The following PTPN13 variants were observed in gnomAD, a reference collection of about 807,000 sequenced individuals.
PTPN13 encodes tyrosine-protein phosphatase non-receptor type 13.
PTPN13 carries 191 observed loss-of-function variants against 284.0 expected under a neutral mutation model. That is an observed-to-expected ratio of 0.67 (90% confidence interval 0.60 to 0.76). The LOEUF (loss-of-function observed/expected upper bound fraction) is 0.76. Ranked by LOEUF, PTPN13 falls within the 30% of genes least tolerant of loss-of-function variation. PTPN13 has a pLI of 0.00. For synonymous variants in PTPN13, 986 were observed against 1,022.3 expected, an observed-to-expected ratio of 0.96 and a Z score of 0.68; for missense variants, 2,797 against 2,939.9, an observed-to-expected ratio of 0.95 and a Z score of 1.12.
At chr4:86,703,091 T>TA (rs1731338006) in intron 7 of PTPN13, among the ~76,000 whole-genome samples, 1 of 152,234 alleles carries the variant, frequency 6.6e-6, no homozygotes, top group South Asian at 2.1e-4. Flanking sequence ...TGAAAATTAG[T>TA]AAAGAATTTG....
In PTPN13 at chr4:86,701,824, GA is replaced by G. The variant is rs1731201684; in HGVS notation, c.1195+24del. Reference sequence around the variant, plus strand: ...AAGGTTAGTAATTCTGTGCATGTTTGAGAAAGAATTGAAGTATTTTAAATAT... The same window carrying G: ...AAGGTTAGTAATTCTGTGCATGTTTGGAAAGAATTGAAGTATTTTAAATAT... On this transcript the variant is annotated intron_variant, in intron 7 of 47. Transcript: ENST00000411767. 1.9e-6 allele frequency: 3 copies of G among 1,544,834 alleles called. No homozygotes were observed. In the East Asian group the frequency reaches 6.8e-5, roughly 35 times the overall value.
At chr4:86,620,712 T>C (rs1367823012) in intron 1 of PTPN13, among the ~76,000 whole-genome samples, 1 of 152,172 alleles carries the variant, frequency 6.6e-6, no homozygotes, top group South Asian at 2.1e-4. Context: ...TTGTGTATAG[T>C]TTACATTTTC....
chr4:86,767,662 G>T (rs555714845), intron 27 of PTPN13, among the ~76,000 whole-genome samples, 155 bp from the exon 28 acceptor site: 3 of 151,494 alleles, frequency 2.0e-5, no homozygotes, highest in Admixed American at 6.6e-5. Context: ...CCTTGCTTTT[G>T]TTCCTCTATT....
At chr4:86,654,889 G>C (rs1048351460) in intron 2 of PTPN13, among the ~76,000 whole-genome samples, 3 of 152,098 alleles carry the variant, frequency 2.0e-5, no homozygotes, top group African/African-American at 7.2e-5. Context: ...TCTCTTTGTA[G>C]GTCTCTAAGG....
chr4:86,718,788 T>C lies in PTPN13; in HGVS notation c.1385+1671T>C, dbSNP rs543505294. ...TTTAATTAAAGTTGTTTCTTTTGTTTTTTGTACTTTTTAAAATAGTCTATA... is the reference window on the plus strand; with the variant it reads ...TTTAATTAAAGTTGTTTCTTTTGTTCTTTGTACTTTTTAAAATAGTCTATA... On this transcript the variant is annotated intron_variant, in intron 9 of 47. Transcript: ENST00000411767. 3.9e-5 allele frequency among the ~76,000 whole-genome samples: 6 copies of C among 152,284 alleles called. No individual in the cohort carries two copies. The East Asian group carries it at 1.2e-3, about 29-fold the overall frequency.
At chr4:86,677,409 G>A (rs1179688596) in intron 3 of PTPN13, among the ~76,000 whole-genome samples, 1 of 151,074 alleles carries the variant, frequency 6.6e-6, no homozygotes, top group East Asian at 2.0e-4. Context: ...CCACCTCCCG[G>A]GTTCAAGTAG....
At chr4:86,789,842 C>CT (rs34944218) in intron 40 of PTPN13, among the ~76,000 whole-genome samples, 9,295 of 135,934 alleles carry the variant, frequency 0.068, 373 homozygotes, top group African/African-American at 0.094. Context: ...ATCACTGTAG[C>CT]TTTTTTTTTT....
chr4:86,776,414 A>G (rs1443119791), intron 35 of PTPN13, among the ~76,000 whole-genome samples: 3 of 152,230 alleles, frequency 2.0e-5, no homozygotes, highest in Admixed American at 2.0e-4. Flanking sequence ...CCACCTGTAT[A>G]CCACATCACA....
chr4:86,701,388 A>C lies in PTPN13; in HGVS notation c.782A>C (p.Asp261Ala), dbSNP rs753348413. Residue 261 changes from aspartate (D) to alanine (A), a missense_variant, in exon 7 of 48, where the codon GAT (aspartate) becomes GCT (alanine). Coordinates refer to ENST00000411767, the MANE Select transcript of PTPN13 (RefSeq NM_080683.3). ...AATTATTTCAAGGACATTTTATCAGATAATTCTGGACGTGAAGATTCTGAA... is the reference window on the plus strand; with the variant it reads ...AATTATTTCAAGGACATTTTATCAGCTAATTCTGGACGTGAAGATTCTGAA... ...DENYFKDILS[D>A]NSGREDSENT... is the part of the protein sequence containing the mutation. The C allele has an allele frequency of 6.2e-7, 1 of 1,613,562 alleles. No homozygotes were observed. The highest frequency in any genetic ancestry group is 8.5e-7 in the Non-Finnish European group (1 of 1,179,610).
intron 1 of PTPN13, among the ~76,000 whole-genome samples, chr4:86,616,511 G>A (rs1005332701): frequency 6.6e-5 from 10 of 151,810 alleles, no homozygotes; most frequent in Non-Finnish European, 1.0e-4. Flanking sequence ...TTAGAGGTGG[G>A]GCCTGGTTGG....
At chr4:86,679,255 T>C (rs531773722) in intron 3 of PTPN13, among the ~76,000 whole-genome samples, 2 of 152,356 alleles carry the variant, frequency 1.3e-5, no homozygotes, top group South Asian at 2.1e-4. Context: ...ACTTTTACTG[T>C]AGATGTGAAG....
chr4:86,776,821 TTGTA>T lies in PTPN13; in HGVS notation c.5891+1172_5891+1175del, dbSNP rs1479939126. Among the ~76,000 whole-genome samples the T allele has an allele frequency of 4.6e-5, 7 of 152,322 alleles. No homozygotes were observed. The East Asian group carries it at 1.4e-3, about 29-fold the overall frequency. ...GTAATGGAAATGAAACACAGGATGA[TTGTA>T]TGAGTATTCAAAGTATGGTTTCTAC... On this transcript the variant is annotated intron_variant, in intron 35 of 47. Coordinates refer to ENST00000411767, the MANE Select transcript of PTPN13 (RefSeq NM_080683.3).
At position 86,762,814 on chromosome 4, in the gene PTPN13, C is replaced by T; in HGVS notation, c.3641C>T (p.Ser1214Phe). Residue 1214 changes from serine (S) to phenylalanine (F), a missense_variant, in exon 24 of 48, where the codon TCT becomes TTT. Ser to Phe is a radical substitution (Grantham distance 155, BLOSUM62 -2). Coordinates refer to ENST00000411767, the MANE Select transcript of PTPN13 (RefSeq NM_080683.3). ...SYMQDSAIDS[S>F]SKDHHWSRGT... ...ATGCAAGACAGTGCTATAGATTCTT[C>T]TTCCAAGGATCACCACTGGTCACGT... 1 of 1,613,856 alleles carries T rather than the reference C, an allele frequency of 6.2e-7. No individual in the cohort carries two copies. Among genetic ancestry groups the T allele is most frequent in the Non-Finnish European group, 8.5e-7 (1 of 1,179,798 alleles).
chr4:86,678,382 T>C (rs1034169272), intron 3 of PTPN13, among the ~76,000 whole-genome samples: 3 of 152,104 alleles, frequency 2.0e-5, no homozygotes, highest in Non-Finnish European at 2.9e-5. Context: ...AGTTTAAAAA[T>C]TGCATGCATA....
intron 6 of PTPN13, among the ~76,000 whole-genome samples, chr4:86,699,981 T>C (rs1473462328): frequency 6.6e-6 from 1 of 152,226 alleles, no homozygotes; most frequent in African/African-American, 2.4e-5. Flanking sequence ...CTTGGTGTTC[T>C]TTATCTGATG....
chr4:86,803,895 A>G (rs948914320), intron 43 of PTPN13, 38 bp downstream of exon 43: 8 of 1,595,722 alleles, frequency 5.0e-6, no homozygotes, highest in Non-Finnish European at 6.9e-6. Flanking sequence ...CCCAAAGTGT[A>G]TGCATTTAGT....
At chr4:86,706,782 C>G (rs571011883) in intron 7 of PTPN13, among the ~76,000 whole-genome samples, 2 of 152,168 alleles carry the variant, frequency 1.3e-5, no homozygotes, top group African/African-American at 2.4e-5. Context: ...TCTCTACATA[C>G]GTAAAGCAGT....
chr4:86,623,809 T>C (rs1721525079), intron 1 of PTPN13, among the ~76,000 whole-genome samples: 1 of 152,158 alleles, frequency 6.6e-6, no homozygotes, highest in African/African-American at 2.4e-5. Flanking sequence ...GCTTCCTTGA[T>C]TGTTATATTT....
chr4:86,604,459 C>G (rs145437477), intron 1 of PTPN13, among the ~76,000 whole-genome samples: 25 of 151,976 alleles, frequency 1.6e-4, no homozygotes, highest in African/African-American at 6.0e-4. Flanking sequence ...CAGATTTTAG[C>G]CTCTTTAGTT....
Sources: allele counts gnomAD v4.1 joint callset (sites outside exome capture counted in the v4.1 genomes callset), GRCh38; gene constraint gnomAD v4.1.1; transcripts MANE v1.5; gene names NCBI Gene and HGNC (gene_info 2026-07-23, HGNC 2026-07-21).